The following TPR variants were observed in gnomAD, a reference collection of about 807,000 sequenced individuals.
TPR encodes the protein translocated promoter region, nuclear basket protein.
TPR carries 51 observed loss-of-function variants against 316.1 expected under a neutral mutation model. The observed-to-expected ratio is 0.16, with a 90% CI of 0.13 to 0.20. The LOEUF is 0.20. TPR is among the 10% of genes least tolerant of loss of function. TPR has a pLI of 1.00. For synonymous variants in TPR, 981 were observed against 914.7 expected (o/e 1.07, Z -1.31); for missense variants, 2,272 against 2,754.8 (o/e 0.82, Z 3.92).
In TPR at chr1:186,355,558, A is replaced by G. The variant is rs766854310; in HGVS notation, c.2023T>C (p.Leu675=). ...AIEAKAALKQ[L]QEIFENYKKE... ...TTGTAGTTCTCAAAAATTTCCTGCA[A>G]CTAAATATTGGAGATTATGAGAAGG... The change falls in exon 17 of 51, where the codon TTG becomes CTG. Residue 675 remains leucine (L), a splice_region_variant and synonymous_variant. Coordinates refer to ENST00000367478, the MANE Select transcript of TPR (RefSeq NM_003292.3). The G allele has an allele frequency of 6.2e-6, 10 of 1,611,634 alleles. No homozygotes were observed. The East Asian group carries it at 8.9e-5, about 14-fold the overall frequency.
chr1:186,339,438 A>G (rs1658441539), intron 30 of TPR, among the ~76,000 whole-genome samples: 1 of 152,122 alleles, frequency 6.6e-6, no homozygotes, highest in Non-Finnish European at 1.5e-5. Flanking sequence ...AATAATTATG[A>G]GGATAGTCTC....
At chr1:186,314,786 T>C (rs1657543847) in intron 49 of TPR, 62 bp from the exon 50 acceptor site, 4 of 1,017,996 alleles carry the variant, frequency 3.9e-6, no homozygotes, top group African/African-American at 3.2e-5. Context: ...TTTATAATGA[T>C]ACAAACTAAT....
At chr1:186,360,590 G>A (rs557954069) in intron 10 of TPR, among the ~76,000 whole-genome samples, 175 bp downstream of exon 10, 9 of 152,112 alleles carry the variant, frequency 5.9e-5, no homozygotes, top group Admixed American at 3.9e-4. Flanking sequence ...TTATATGCCC[G>A]ATTCTGTAAA....
intron 3 of TPR, among the ~76,000 whole-genome samples, chr1:186,369,438 T>C (rs909252036): frequency 1.3e-5 from 2 of 152,182 alleles, no homozygotes; most frequent in African/African-American, 4.8e-5. Context: ...CAATGTTATA[T>C]TATTTTCAGT....
Position 186,334,604 on chromosome 1 carries a change from G to C in TPR, c.4974-71C>G, listed in dbSNP as rs560877057. The C allele has an allele frequency of 2.2e-5, 32 of 1,448,756 alleles. No homozygotes were observed. The African/African-American group carries it at 3.4e-4, about 15-fold the overall frequency. 89.7% of individuals were successfully genotyped at this position (1,448,756 alleles called of 1,614,324 possible). A position where few individuals can be genotyped will look rare whatever the true frequency, so the allele number is the denominator to read the frequency against. On this transcript the variant is annotated intron_variant, in intron 35 of 50. Transcript: ENST00000367478. The stretch of plus-strand genomic sequence containing the variant: ...GCAAATACTTTTAAAAACACAGTGA[G>C]TATAGGTCTCCATTTTTTTGTTCAC...
At chr1:186,339,359 T>G (rs150783162) in intron 30 of TPR, among the ~76,000 whole-genome samples, 9 of 150,862 alleles carry the variant, frequency 6.0e-5, no homozygotes, top group Admixed American at 4.6e-4. Context: ...AACCTCCTTG[T>G]AAGTTTTTGA....
intron 45 of TPR, among the ~76,000 whole-genome samples, chr1:186,321,828 A>G (rs555124297): frequency 4.5e-4 from 69 of 152,320 alleles, no homozygotes; most frequent in Non-Finnish European, 8.4e-4. Context: ...AATTATGATC[A>G]TTGTAATTAC....
chr1:186,359,351 C>G (rs1363406095), intron 12 of TPR, among the ~76,000 whole-genome samples: 2 of 151,824 alleles, frequency 1.3e-5, no homozygotes, highest in Admixed American at 6.6e-5. Flanking sequence ...TATAGAGACA[C>G]GCCAAATTGT....
chr1:186,348,714 C>T (rs1284860049), intron 21 of TPR, among the ~76,000 whole-genome samples: 1 of 152,096 alleles, frequency 6.6e-6, no homozygotes, highest in African/African-American at 2.4e-5. Flanking sequence ...TATTTCTCAG[C>T]CAGCCGACAC....
intron 35 of TPR, 78 bp from the exon 36 acceptor site, chr1:186,334,611 T>C: frequency 2.1e-6 from 3 of 1,429,174 alleles, no homozygotes; most frequent in Non-Finnish European, 1.9e-6. Flanking sequence ...TGAGTATAGG[T>C]CTCCATTTTT....
At chr1:186,359,777 A>G (rs1659128075) in intron 12 of TPR, 22 bp downstream of exon 12, 1 of 1,569,852 alleles carries the variant, frequency 6.4e-7, no homozygotes, top group African/African-American at 1.4e-5. Context: ...TACCACGGCT[A>G]AATTTTAGGA....
intron 33 of TPR, among the ~76,000 whole-genome samples, chr1:186,336,151 T>C (rs1174225112): frequency 6.6e-6 from 1 of 152,064 alleles, no homozygotes; most frequent in Non-Finnish European, 1.5e-5. Flanking sequence ...CTGGTAAAGA[T>C]CTTTATGCAG....
intron 3 of TPR, among the ~76,000 whole-genome samples, chr1:186,369,558 T>C (rs554769215): frequency 1.3e-5 from 2 of 152,290 alleles, no homozygotes; most frequent in East Asian, 1.9e-4. Flanking sequence ...TGTTTGTGTA[T>C]AGAAATGCTA....
intron 25 of TPR, 142 bp from the exon 26 acceptor site, chr1:186,344,232 G>A (rs1250309253): frequency 1.7e-5 from 23 of 1,342,374 alleles, no homozygotes; most frequent in Non-Finnish European, 2.1e-5. Flanking sequence ...CCCAGCAGGT[G>A]GAGATTGCAG....
At chr1:186,314,780 T>G in intron 49 of TPR, 56 bp from the exon 50 acceptor site, 7 of 1,157,564 alleles carry the variant, frequency 6.0e-6, no homozygotes, top group Non-Finnish European at 8.9e-6. Context: ...AAAGCATTTA[T>G]AATGATACAA....
At chr1:186,326,502 T>C (rs999537697) in intron 40 of TPR, among the ~76,000 whole-genome samples, 4 of 152,084 alleles carry the variant, frequency 2.6e-5, no homozygotes, top group Non-Finnish European at 5.9e-5. Context: ...CAGCAAAATA[T>C]CAAGTGGTCC....
intron 49 of TPR, 87 bp downstream of exon 49, chr1:186,317,395 A>T: frequency 9.8e-7 from 1 of 1,018,538 alleles, no homozygotes; most frequent in African/African-American, 1.6e-5. Context: ...GGAAAAAAGG[A>T]TTATTAATTT....
intron 9 of TPR, 70 bp from the exon 10 acceptor site, chr1:186,360,975 A>G: frequency 1.4e-6 from 2 of 1,474,814 alleles, no homozygotes; most frequent in Non-Finnish European, 1.8e-6. Context: ...AATGCAACAG[A>G]TCAGTCACTT....
chr1:186,353,231 G>C (rs536877306), intron 18 of TPR, among the ~76,000 whole-genome samples: 1 of 152,216 alleles, frequency 6.6e-6, no homozygotes, highest in Admixed American at 6.5e-5. Context: ...CATTAGCCAG[G>C]TGTGGTGGCG....
Sources: allele counts gnomAD v4.1 joint callset (sites outside exome capture counted in the v4.1 genomes callset), GRCh38; gene constraint gnomAD v4.1.1; transcripts MANE v1.5; gene names NCBI Gene and HGNC (gene_info 2026-07-23, HGNC 2026-07-21).